The following DIS3L2 variants were observed in gnomAD, a reference collection of about 807,000 sequenced individuals.
DIS3L2 encodes DIS3-like exonuclease 2.
Under a neutral mutation model 97.5 loss-of-function variants are expected in DIS3L2, and 34 were observed. That is an observed-to-expected ratio of 0.35 (90% CI 0.27 to 0.46). DIS3L2 has a LOEUF of 0.46. DIS3L2 is among the 20% of genes least tolerant of loss of function. DIS3L2 has a pLI of 1.00. For missense variants in DIS3L2, 1,038 were observed against 1,146.0 expected (o/e 0.91, Z 1.36); for synonymous variants, 435 against 445.2 (o/e 0.98, Z 0.29).
chr2:232,044,866 G>A (rs1374108825), intron 5 of DIS3L2, among the ~76,000 whole-genome samples: 2 of 152,140 alleles, frequency 1.3e-5, no homozygotes, highest in Admixed American at 6.5e-5. Flanking sequence ...TCCTGACCTC[G>A]TGATCCGCCT....
At chr2:232,302,969 G>T (rs1223088821) in intron 14 of DIS3L2, among the ~76,000 whole-genome samples, 1 of 152,134 alleles carries the variant, frequency 6.6e-6, no homozygotes, top group Non-Finnish European at 1.5e-5. Flanking sequence ...CTCTGGCAGG[G>T]TTGCATGGGG....
intron 14 of DIS3L2, chr2:232,328,774 T>G (rs908865182): frequency 2.6e-5 from 4 of 152,112 alleles, no homozygotes; most frequent in Non-Finnish European, 2.9e-5. Context: ...ATGAAGAGGG[T>G]CCTGGTCACC....
chr2:232,269,594 C>T lies in DIS3L2; in HGVS notation c.1659+6154C>T, dbSNP rs1329980295. On this transcript the variant is annotated intron_variant, in intron 13 of 20. Coordinates refer to ENST00000325385, the MANE Select transcript of DIS3L2 (RefSeq NM_152383.5). The surrounding 1 kb of genome is among the most constrained non-coding windows in gnomAD (Gnocchi z 4.5). The stretch of plus-strand genomic sequence containing the variant: ...CTGTCTTGGAGAGGACCAGCTCAGT[C>T]TCAGGGGTTCAGGGAAGATTTTCCA... 6.6e-6 allele frequency among the ~76,000 whole-genome samples: 1 copy of T among 152,158 alleles called. No individual in the cohort carries two copies. Among genetic ancestry groups the T allele is most frequent in the East Asian group, 1.9e-4 (1 of 5,184 alleles).
Position 232,122,231 on chromosome 2 carries a change from A to C in DIS3L2, c.602-8388A>C, listed in dbSNP as rs146447842. 2.2e-3 allele frequency among the ~76,000 whole-genome samples: 330 copies of C among 152,290 alleles called. 2 individuals carry two copies. Among genetic ancestry groups the C allele is most frequent in the African/African-American group, 7.7e-3 (319 of 41,560 alleles). Reference sequence around the variant, plus strand: ...CAATTTATATATATAACAATTACTGAGTGCTTACTGTGTTTTAGCCCCTGT... The same window carrying C: ...CAATTTATATATATAACAATTACTGCGTGCTTACTGTGTTTTAGCCCCTGT... On this transcript the variant is annotated intron_variant, in intron 6 of 20. Coordinates refer to ENST00000325385, the MANE Select transcript of DIS3L2 (RefSeq NM_152383.5).
chr2:232,253,116 C>T (rs1316115783), intron 12 of DIS3L2, among the ~76,000 whole-genome samples: 4 of 152,194 alleles, frequency 2.6e-5, no homozygotes, highest in Admixed American at 6.5e-5. Flanking sequence ...AGACCACCAG[C>T]GTACCTCTAC....
At chr2:232,173,398 T>C (rs1691049324) in intron 9 of DIS3L2, among the ~76,000 whole-genome samples, 1 of 151,834 alleles carries the variant, frequency 6.6e-6, no homozygotes, top group African/African-American at 2.4e-5. Flanking sequence ...ACCCTGCCAA[T>C]TTTTTTGTGT....
intron 9 of DIS3L2, among the ~76,000 whole-genome samples, chr2:232,181,340 T>C (rs976745008): frequency 6.6e-6 from 1 of 152,196 alleles, no homozygotes; most frequent in African/African-American, 2.4e-5. Flanking sequence ...CTGTATTTCC[T>C]GAATCTGAAT....
Position 232,085,962 on chromosome 2 carries a change from C to T in DIS3L2, c.367-1525C>T, listed in dbSNP as rs556229816. Among the ~76,000 whole-genome samples, 4 of 152,012 alleles carry T rather than the reference C, an allele frequency of 2.6e-5. No homozygotes were observed. The South Asian group carries it at 8.3e-4, about 32-fold the overall frequency. On this transcript the variant is annotated intron_variant, in intron 5 of 20. Transcript: ENST00000325385. ...GCTAGGACTACAGGCGCCCTGCCCC[C>T]CAACTATGCCTGGTTGATTTTTAAA...
rs1365827252 is a variant in DIS3L2 at position 232,325,860 on chromosome 2, G to C, written c.1740-3953G>C. 1.3e-5 allele frequency among the ~76,000 whole-genome samples: 2 copies of C among 152,330 alleles called. No individual in the cohort carries two copies. The highest frequency in any genetic ancestry group is 4.8e-5 in the African/African-American group (2 of 41,588). Reference sequence around the variant, plus strand: ...CTGGGAGGAGTGGGGTGACACTAGGGCCAGTGCCCACATCAGAGGAGGAAG... The same window carrying C: ...CTGGGAGGAGTGGGGTGACACTAGGCCCAGTGCCCACATCAGAGGAGGAAG... On this transcript the variant is annotated intron_variant, in intron 14 of 20. Transcript: ENST00000325385. The surrounding 1 kb of genome is among the most constrained non-coding windows in gnomAD (Gnocchi z 4.6).
At position 232,281,617 on chromosome 2, in the gene DIS3L2, A is replaced by G. The variant is rs1056350418; in HGVS notation, c.1659+18177A>G. On this transcript the variant is annotated intron_variant, in intron 13 of 20. Coordinates refer to ENST00000325385, the MANE Select transcript of DIS3L2 (RefSeq NM_152383.5). This position sits in a 1 kb window ranked among gnomAD's most constrained non-coding sequence, Gnocchi z 4.1. ...TGAGGCCACACAGCTGACAGGAGGG[A>G]ACAGATGAGAGAAGTGGAATCAGAA... Among the ~76,000 whole-genome samples the G allele has an allele frequency of 3.3e-5, 5 of 151,934 alleles. No individual in the cohort carries two copies. The highest frequency in any genetic ancestry group is 4.8e-5 in the African/African-American group (2 of 41,342).
intron 13 of DIS3L2, among the ~76,000 whole-genome samples, chr2:232,263,674 A>G (rs548917175): frequency 1.3e-5 from 2 of 152,198 alleles, no homozygotes; most frequent in African/African-American, 4.8e-5. Context: ...ACGAGGCCTA[A>G]TGACATGAGC....
At chr2:232,189,616 A>T (rs1003145077) in intron 9 of DIS3L2, among the ~76,000 whole-genome samples, 4 of 152,212 alleles carry the variant, frequency 2.6e-5, no homozygotes, top group Non-Finnish European at 4.4e-5. Flanking sequence ...CAATTGAGGG[A>T]TCCTTGAGAC....
chr2:232,073,893 G>A (rs896764065), intron 5 of DIS3L2, among the ~76,000 whole-genome samples: 3 of 152,174 alleles, frequency 2.0e-5, no homozygotes, highest in South Asian at 4.1e-4. Flanking sequence ...TTACTACACA[G>A]CGTAGACGAG....
Position 232,317,152 on chromosome 2 carries a change from ATG to A in DIS3L2, c.1740-12654_1740-12653del, listed in dbSNP as rs374919094. Among the ~76,000 whole-genome samples the A allele has an allele frequency of 2.5e-3, 377 of 152,280 alleles. 1 individual carries two copies. Among genetic ancestry groups the A allele is most frequent in the Non-Finnish European group, 4.4e-3 (298 of 68,012 alleles). On this transcript the variant is annotated intron_variant, in intron 14 of 20. Transcript: ENST00000325385. The stretch of plus-strand genomic sequence containing the variant: ...CACATTTGTGGGTAGAGTGTGGAGA[ATG>A]TGTGTGAAAGGCTTTCCTCGCCCAG...
intron 6 of DIS3L2, among the ~76,000 whole-genome samples, chr2:232,098,954 T>C (rs1444217368): frequency 6.6e-6 from 1 of 152,196 alleles, no homozygotes; most frequent in Non-Finnish European, 1.5e-5. Context: ...CACAAAGATA[T>C]TCTCCCTTGT....
chr2:232,097,104 T>A (rs1697045022), intron 6 of DIS3L2, among the ~76,000 whole-genome samples: 1 of 152,202 alleles, frequency 6.6e-6, no homozygotes, highest in African/African-American at 2.4e-5. Context: ...TGTATTGTAA[T>A]CTAAGCCGTA....
At chr2:232,265,897 C>T (rs1294387398) in intron 13 of DIS3L2, among the ~76,000 whole-genome samples, 2 of 152,176 alleles carry the variant, frequency 1.3e-5, no homozygotes, top group Non-Finnish European at 2.9e-5. Context: ...TTAGCATTCC[C>T]TTTTTGAAAG....
chr2:232,326,831 T>G (rs148769214), intron 14 of DIS3L2, among the ~76,000 whole-genome samples: 3 of 148,122 alleles, frequency 2.0e-5, no homozygotes, highest in African/African-American at 7.5e-5. Context: ...CTCTCCTCCA[T>G]AGCCTCACCA....
At chr2:232,025,035 A>C (rs926737366) in intron 4 of DIS3L2, among the ~76,000 whole-genome samples, 1 of 152,212 alleles carries the variant, frequency 6.6e-6, no homozygotes, top group Admixed American at 6.5e-5. Flanking sequence ...CAGATTTTTC[A>C]CAGTGAAAGA....
Sources: gnomAD v4.1 joint callset for allele counts (sites outside exome capture counted in the v4.1 genomes callset) on GRCh38, gnomAD v4.1.1 for gene constraint, Gnocchi (gnomAD v3.1) non-coding constraint, MANE v1.5 for transcripts, NCBI Gene and HGNC (gene_info 2026-07-23, HGNC 2026-07-21) for gene names.